KANK1: variants seen among roughly 807,000 people sequenced by gnomAD.
KANK1 encodes the protein KN motif and ankyrin repeat domain-containing protein 1.
Under a neutral mutation model 106.2 loss-of-function variants are expected in KANK1, and 109 were observed. The ratio of observed to expected loss-of-function variants is 1.03; its 90% CI spans 0.88 to 1.20. The LOEUF (loss-of-function observed/expected upper bound fraction) is 1.20. Among genes scored for constraint, KANK1 ranks in the 50% most tolerant of loss-of-function variants. KANK1 has a pLI of 0.00. For missense variants in KANK1, 2,399 were observed against 1,710.7 expected (o/e 1.40, Z -7.10); for synonymous variants, 873 against 652.2 (o/e 1.34, Z -5.16).
chr9:543,361 G>A (rs2060724804), intron 1 of KANK1, among the ~76,000 whole-genome samples: 1 of 151,894 alleles, frequency 6.6e-6, no homozygotes, highest in Non-Finnish European at 1.5e-5. Flanking sequence ...TTTGAGACCA[G>A]CCTGGCCAAC....
At chr9:574,767 A>G (rs1481357655) in intron 1 of KANK1, among the ~76,000 whole-genome samples, 1 of 151,058 alleles carries the variant, frequency 6.6e-6, no homozygotes, top group African/African-American at 2.4e-5. Context: ...AGGCAGGAGA[A>G]TCGCTGACCC....
intron 1 of KANK1, among the ~76,000 whole-genome samples, chr9:521,501 C>T (rs547637545): frequency 6.0e-4 from 91 of 150,602 alleles, no homozygotes; most frequent in Non-Finnish European, 1.2e-3. Flanking sequence ...AGATGGTGTT[C>T]ATTCATGAAA....
chr9:587,256 T>C (rs2135454075), intron 1 of KANK1, among the ~76,000 whole-genome samples: 1 of 151,024 alleles, frequency 6.6e-6, no homozygotes, highest in Admixed American at 6.6e-5. Context: ...CAATGATCTG[T>C]TCAGACTGCT....
intron 1 of KANK1, among the ~76,000 whole-genome samples, chr9:553,824 C>T (rs561304057): frequency 6.6e-6 from 1 of 152,240 alleles, no homozygotes; most frequent in Non-Finnish European, 1.5e-5. Context: ...ATAACCTGTA[C>T]TTAATAGGTT....
chr9:589,233 A>T (rs778801393), intron 1 of KANK1, among the ~76,000 whole-genome samples: 5 of 152,194 alleles, frequency 3.3e-5, no homozygotes, highest in Non-Finnish European at 7.3e-5. Context: ...ATCTCATCTT[A>T]CAGAGGAGGA....
chr9:640,511 C>T (rs1192174672), intron 1 of KANK1, among the ~76,000 whole-genome samples: 2 of 151,974 alleles, frequency 1.3e-5, no homozygotes, highest in Non-Finnish European at 1.5e-5. Flanking sequence ...GATTCTTCCA[C>T]CTCAGCCTCC....
intron 1 of KANK1, among the ~76,000 whole-genome samples, chr9:582,464 A>G: frequency 6.6e-6 from 1 of 152,100 alleles, no homozygotes; most frequent in Non-Finnish European, 1.5e-5. Flanking sequence ...ATTCCTGCAA[A>G]GAAACTCATC....
In KANK1 at chr9:712,144, C is replaced by T. The variant is rs781311942; in HGVS notation, c.1378C>T (p.Gln460Ter). ...EADKEIELQQ[Q>*]TIESLKEKIY... ...TGACAAAGAAATTGAGCTGCAACAG[C>T]AGACCATAGAATCCTTGAAGGAAAA... Residue 460 changes from glutamine (Q) to a stop codon, truncating the protein, a stop_gained, in exon 3 of 12, where the codon CAG becomes TAG. Transcript: ENST00000382297. LOFTEE classifies it high-confidence loss of function. The T allele has an allele frequency of 6.2e-7, 1 of 1,614,090 alleles. No individual in the cohort carries two copies. Among genetic ancestry groups the T allele is most frequent in the Non-Finnish European group, 8.5e-7 (1 of 1,180,034 alleles).
chr9:727,396 A>G (rs1017732896), intron 3 of KANK1, among the ~76,000 whole-genome samples: 2 of 151,514 alleles, frequency 1.3e-5, no homozygotes, highest in African/African-American at 2.4e-5. Flanking sequence ...GCTCACTGCA[A>G]CCTCTGCCTC....
intron 3 of KANK1, among the ~76,000 whole-genome samples, chr9:493,210 C>A (rs2058405605): frequency 6.6e-6 from 1 of 150,782 alleles, no homozygotes; most frequent in Non-Finnish European, 1.5e-5. Flanking sequence ...AAAGACATTG[C>A]AGCCACCATC....
chr9:541,916 C>T (rs1250971718), intron 1 of KANK1, among the ~76,000 whole-genome samples: 6 of 151,272 alleles, frequency 4.0e-5, no homozygotes, highest in East Asian at 2.0e-4. Context: ...GGTGAAACCC[C>T]GTCTCTACTA....
intron 1 of KANK1, among the ~76,000 whole-genome samples, chr9:647,681 C>G (rs532544743): frequency 1.3e-5 from 2 of 150,932 alleles, no homozygotes; most frequent in South Asian, 2.1e-4. Flanking sequence ...CCAAAGTTCT[C>G]ACCACAATCT....
chr9:713,518 T>C lies in KANK1; in HGVS notation c.2698+54T>C, dbSNP rs1826800603. On this transcript the variant is annotated intron_variant, in intron 3 of 11. Coordinates refer to ENST00000382297, the MANE Select transcript of KANK1 (RefSeq NM_015158.5). ...GAGGAAGGATGGGGGAAAATGTCTT[T>C]CCAGAAGCTAAGGATTATTTTTTAA... is the stretch of plus-strand genomic sequence containing the variant. 13 of 1,503,868 alleles carry C rather than the reference T, an allele frequency of 8.6e-6. No individual in the cohort carries two copies. The African/African-American group carries it at 1.3e-4, about 15-fold the overall frequency. The allele number at this position is 1,503,868 out of a possible 1,614,324, so 93.2% of individuals were successfully genotyped here.
At chr9:504,586 G>C (rs1235812342), upstream of KANK1, 1 of 151,576 alleles carries the variant, frequency 6.6e-6, no homozygotes, top group African/African-American at 2.4e-5. Context: ...TGAGAGGCTT[G>C]CTGGTCCGCC....
chr9:507,626 A>T (rs903165753), intron 1 of KANK1, among the ~76,000 whole-genome samples: 1 of 144,944 alleles, frequency 6.9e-6, no homozygotes, highest in Non-Finnish European at 1.5e-5. Flanking sequence ...GCGCGATCTC[A>T]GCTCACTGCA....
At chr9:660,021 C>G (rs1259876085) in intron 1 of KANK1, 3 of 319,312 alleles carry the variant, frequency 9.4e-6, no homozygotes, top group East Asian at 1.5e-4. Context: ...CTTTCCACCC[C>G]TTTGCTGATA....
chr9:509,433 G>T (rs2058931798), intron 1 of KANK1, among the ~76,000 whole-genome samples: 10 of 152,150 alleles, frequency 6.6e-5, no homozygotes, highest in Admixed American at 6.5e-4. Context: ...CTAATTATTT[G>T]TTGTCTTCAC....
intron 11 of KANK1, 53 bp downstream of exon 11, chr9:744,642 T>C: frequency 6.2e-7 from 1 of 1,613,844 alleles, no homozygotes; most frequent in Non-Finnish European, 8.5e-7. Flanking sequence ...ACCAGACTGG[T>C]GGACCCCCTT....
intron 2 of KANK1, chr9:684,545 G>A: frequency 1.0e-6 from 1 of 985,432 alleles, no homozygotes; most frequent in Non-Finnish European, 1.2e-6. Flanking sequence ...AAAACTCTGT[G>A]CTCTGCTCTT....
Sources: allele counts gnomAD v4.1 joint callset (sites outside exome capture counted in the v4.1 genomes callset), GRCh38; gene constraint gnomAD v4.1.1; transcripts MANE v1.5; gene names NCBI Gene and HGNC (gene_info 2026-07-23, HGNC 2026-07-21).